The following PDE10A variants were observed in gnomAD, a reference collection of about 807,000 sequenced individuals.
PDE10A encodes cAMP and cAMP-inhibited cGMP 3',5'-cyclic phosphodiesterase 10A.
PDE10A carries 39 observed loss-of-function variants against 97.7 expected under a neutral mutation model. That is an observed-to-expected ratio of 0.40 (90% CI 0.31 to 0.52). The LOEUF (loss-of-function observed/expected upper bound fraction) is 0.52, where lower values mean the gene tolerates loss of function less well. Among genes scored for constraint, PDE10A ranks in the 20% least tolerant of loss-of-function variants. The probability of loss-of-function intolerance (pLI) is 0.56; values close to 1 mark genes in which losing one functional copy is unlikely to be tolerated. For missense variants in PDE10A, 731 were observed against 1,047.8 expected (o/e 0.70, Z 4.17); for synonymous variants, 371 against 376.8 (o/e 0.98, Z 0.18).
chr6:165,666,109 C>A (rs533683012), upstream of PDE10A, among the ~76,000 whole-genome samples: 1 of 152,086 alleles, frequency 6.6e-6, no homozygotes, highest in African/African-American at 2.4e-5. Flanking sequence ...AGCCATGCAC[C>A]CATTTTAATA....
At chr6:165,723,117 T>C (rs1238126445) in intron 1 of PDE10A, among the ~76,000 whole-genome samples, 2 of 152,084 alleles carry the variant, frequency 1.3e-5, no homozygotes, top group Non-Finnish European at 2.9e-5. Flanking sequence ...ACTCACAATC[T>C]AGTTGTGGCC....
At chr6:165,398,488 T>G (rs1474216198) in intron 13 of PDE10A, among the ~76,000 whole-genome samples, 2 of 101,556 alleles carry the variant, frequency 2.0e-5, no homozygotes, top group African/African-American at 7.7e-5. Flanking sequence ...ACTCTCTCTC[T>G]CTCTCTCTCT....
At chr6:165,967,421 C>T (rs765751406) in intron 1 of PDE10A, among the ~76,000 whole-genome samples, 11 of 152,128 alleles carry the variant, frequency 7.2e-5, no homozygotes, top group South Asian at 2.1e-4. Flanking sequence ...CACTTGATAC[C>T]GGGAGGCAAA....
intron 1 of PDE10A, among the ~76,000 whole-genome samples, chr6:165,778,112 TC>T (rs1439670803): frequency 6.6e-6 from 1 of 152,182 alleles, no homozygotes; most frequent in Non-Finnish European, 1.5e-5. Flanking sequence ...TCTCACTCTG[TC>T]ACCCAGGCTG....
intron 5 of PDE10A, among the ~76,000 whole-genome samples, chr6:165,442,054 A>G (rs963503744): frequency 2.0e-5 from 3 of 151,758 alleles, no homozygotes; most frequent in African/African-American, 7.3e-5. Context: ...CTTTTTTGTC[A>G]GTTTAGTAAA....
At chr6:165,505,792 G>C in intron 2 of PDE10A, among the ~76,000 whole-genome samples, 1 of 152,032 alleles carries the variant, frequency 6.6e-6, no homozygotes, top group Non-Finnish European at 1.5e-5. Context: ...AGGATCACAT[G>C]AACTCCAGTC....
chr6:165,873,390 T>C (rs1781253910), intron 1 of PDE10A, among the ~76,000 whole-genome samples: 1 of 152,228 alleles, frequency 6.6e-6, no homozygotes, highest in Admixed American at 6.5e-5. Flanking sequence ...GCTCCCCTGC[T>C]AACTTGCTCT....
chr6:165,934,864 G>T (rs973779667), intron 1 of PDE10A, among the ~76,000 whole-genome samples: 1 of 152,158 alleles, frequency 6.6e-6, no homozygotes, highest in Non-Finnish European at 1.5e-5. Context: ...GTCACATTTA[G>T]TCTCACATTT....
intron 3 of PDE10A, among the ~76,000 whole-genome samples, chr6:165,456,725 C>A (rs1282912692): frequency 1.3e-5 from 2 of 152,092 alleles, no homozygotes; most frequent in African/African-American, 4.8e-5. Flanking sequence ...AAGCTATGAC[C>A]TAGGTTTTAA....
intron 1 of PDE10A, among the ~76,000 whole-genome samples, chr6:165,703,859 G>T (rs1199701898): frequency 1.3e-5 from 2 of 152,168 alleles, no homozygotes; most frequent in Non-Finnish European, 2.9e-5. Flanking sequence ...CAAATCCTTT[G>T]CGAGTCTCCA....
chr6:165,792,977 C>A (rs1785873614), intron 1 of PDE10A, among the ~76,000 whole-genome samples: 1 of 152,094 alleles, frequency 6.6e-6, no homozygotes, highest in South Asian at 2.1e-4. Context: ...TGGGGGGTGG[C>A]TGTTCTCAGT....
intron 1 of PDE10A, among the ~76,000 whole-genome samples, chr6:165,980,952 GA>G (rs918961755): frequency 6.6e-6 from 1 of 152,106 alleles, no homozygotes; most frequent in African/African-American, 2.4e-5. Flanking sequence ...CTGCTTGCCT[GA>G]GAAACGTTTG....
chr6:165,725,922 G>A (rs1034431649), intron 1 of PDE10A, among the ~76,000 whole-genome samples: 1 of 152,136 alleles, frequency 6.6e-6, no homozygotes, highest in East Asian at 1.9e-4. Context: ...TGTGAGCTCT[G>A]GGGCTTTGAA....
At chr6:165,529,367 T>C (rs1782638191) in intron 2 of PDE10A, among the ~76,000 whole-genome samples, 1 of 152,132 alleles carries the variant, frequency 6.6e-6, no homozygotes, top group South Asian at 2.1e-4. Flanking sequence ...GTGATTAAAG[T>C]CAATGAGAAA....
At chr6:165,816,707 G>T (rs1308086013) in intron 1 of PDE10A, among the ~76,000 whole-genome samples, 1 of 152,228 alleles carries the variant, frequency 6.6e-6, no homozygotes, top group African/African-American at 2.4e-5. Flanking sequence ...AGAATCTAGT[G>T]ATAAAGCTGA....
chr6:165,928,207 C>T (rs1783005991), intron 1 of PDE10A, among the ~76,000 whole-genome samples: 1 of 152,210 alleles, frequency 6.6e-6, no homozygotes, highest in Admixed American at 6.5e-5. Context: ...AACATGGGTC[C>T]TGCATGGGCG....
chr6:165,757,203 G>A (rs1793137087), intron 1 of PDE10A, among the ~76,000 whole-genome samples: 1 of 152,160 alleles, frequency 6.6e-6, no homozygotes, highest in Admixed American at 6.5e-5. Flanking sequence ...CTGACCTCAT[G>A]ATCTGCCTGC....
chr6:165,623,673 G>GCC, intron 1 of PDE10A, among the ~76,000 whole-genome samples: 1 of 152,132 alleles, frequency 6.6e-6, no homozygotes, highest in Non-Finnish European at 1.5e-5. Context: ...ACACTGTGGG[G>GCC]TCACCAGTGG....
At chr6:165,570,007 G>C (rs1362680703) in intron 1 of PDE10A, among the ~76,000 whole-genome samples, 10 of 152,280 alleles carry the variant, frequency 6.6e-5, no homozygotes, top group Middle Eastern at 3.4e-3. Context: ...ATTCTTCTCT[G>C]TTATGGACTA....
Sources: gnomAD v4.1 joint callset for allele counts (sites outside exome capture counted in the v4.1 genomes callset) on GRCh38, gnomAD v4.1.1 for gene constraint, MANE v1.5 for transcripts, NCBI Gene and HGNC (gene_info 2026-07-23, HGNC 2026-07-21) for gene names.